The following REPS1 variants were observed in gnomAD, a reference collection of about 807,000 sequenced individuals.
REPS1 encodes ralBP1-associated Eps domain-containing protein 1.
Under a neutral mutation model 100.9 loss-of-function variants are expected in REPS1, and 39 were observed. The observed-to-expected ratio is 0.39, with a 90% CI of 0.30 to 0.50. REPS1 has a LOEUF of 0.50. Among genes scored for constraint, REPS1 ranks in the 20% least tolerant of loss-of-function variants. The pLI is 0.86. For missense variants in REPS1, 821 were observed against 968.5 expected, an observed-to-expected ratio of 0.85 and a Z score of 2.02; for synonymous variants, 324 against 340.3, an observed-to-expected ratio of 0.95 and a Z score of 0.53.
chr6:138,912,689 A>G, intron 16 of REPS1, 76 bp downstream of exon 16: 2 of 1,384,806 alleles, frequency 1.4e-6, no homozygotes, highest in South Asian at 1.2e-5. Context: ...GTCCCCTCTA[A>G]TATCTGCTCT....
At position 138,947,780 on chromosome 6, in the gene REPS1, C is replaced by G; in HGVS notation, c.277+10G>C. ...ATTTTCTTTCGGTTACTAGTGTACT[C>G]TATATTTACCTGTATTTATACTTTC... On this transcript the variant is annotated intron_variant, in intron 2 of 19. Coordinates refer to ENST00000450536, the MANE Select transcript of REPS1 (RefSeq NM_001286611.2). 1.9e-6 allele frequency: 3 copies of G among 1,575,310 alleles called. No individual in the cohort carries two copies. Among genetic ancestry groups the G allele is most frequent in the Non-Finnish European group, 2.6e-6 (3 of 1,165,710 alleles).
Position 138,980,397 on chromosome 6 carries a change from C to T in REPS1, c.153+7133G>A, listed in dbSNP as rs182374126. Among the ~76,000 whole-genome samples the T allele has an allele frequency of 1.3e-3, 200 of 152,286 alleles. 1 individual carries two copies. The highest frequency in any genetic ancestry group is 3.4e-3 in the Middle Eastern group (1 of 294). ...GTATATTTCCACTAAAATCCAAATT[C>T]CTTATCACTGAGTACAAGGGCCTGC... On this transcript the variant is annotated intron_variant, in intron 1 of 19. Transcript: ENST00000450536.
chr6:138,982,898 C>A (rs969462165), intron 1 of REPS1, among the ~76,000 whole-genome samples: 5 of 152,220 alleles, frequency 3.3e-5, no homozygotes, highest in African/African-American at 9.6e-5. Flanking sequence ...GAATCTCCCT[C>A]TTTCTCTGAA....
intron 1 of REPS1, among the ~76,000 whole-genome samples, chr6:138,984,078 C>CTTTTTTTTTTTTT (rs748774209): frequency 2.2e-5 from 3 of 134,448 alleles, no homozygotes; most frequent in African/African-American, 2.8e-5. Flanking sequence ...CTCTCTCTCT[C>CTTTTTTTTTTTTT]TTTTTTTTTT....
At chr6:138,953,017 A>G (rs2128485067) in intron 1 of REPS1, among the ~76,000 whole-genome samples, 1 of 151,916 alleles carries the variant, frequency 6.6e-6, no homozygotes, top group Non-Finnish European at 1.5e-5. Context: ...TTGTATTTTT[A>G]GTAGAAATGG....
chr6:138,968,354 T>G (rs1244096692), intron 1 of REPS1, among the ~76,000 whole-genome samples: 1 of 152,196 alleles, frequency 6.6e-6, no homozygotes, highest in Admixed American at 6.5e-5. Context: ...TTTAATACAA[T>G]CCTCAAAAAT....
At chr6:138,938,059 T>C (rs1781976574) in intron 8 of REPS1, among the ~76,000 whole-genome samples, 1 of 152,170 alleles carries the variant, frequency 6.6e-6, no homozygotes, top group South Asian at 2.1e-4. Context: ...ATTCTTTAAT[T>C]CAGCTTCAGA....
intron 1 of REPS1, among the ~76,000 whole-genome samples, chr6:138,987,114 G>A (rs749598728): frequency 1.7e-4 from 26 of 151,728 alleles, no homozygotes; most frequent in Non-Finnish European, 2.9e-5. Context: ...ACGTCTTCTC[G>A]GTTAATCCAA....
At chr6:138,931,868 G>C (rs917892722) in intron 8 of REPS1, among the ~76,000 whole-genome samples, 2 of 152,126 alleles carry the variant, frequency 1.3e-5, no homozygotes, top group East Asian at 1.9e-4. Context: ...TCTACCAGGA[G>C]AATAATAAAG....
chr6:138,955,008 T>C (rs1370618107), intron 1 of REPS1, among the ~76,000 whole-genome samples: 1 of 152,218 alleles, frequency 6.6e-6, no homozygotes, highest in East Asian at 1.9e-4. Context: ...TGGATGCACC[T>C]ATCACAAATT....
intron 1 of REPS1, among the ~76,000 whole-genome samples, chr6:138,986,259 G>A (rs186223038): frequency 6.6e-6 from 1 of 152,284 alleles, no homozygotes; most frequent in East Asian, 1.9e-4. Flanking sequence ...GGGACTCCTC[G>A]TTGCCCTTCA....
chr6:138,946,702 T>C (rs1314169983), intron 2 of REPS1, among the ~76,000 whole-genome samples: 4 of 152,202 alleles, frequency 2.6e-5, no homozygotes, highest in Non-Finnish European at 4.4e-5. Flanking sequence ...TTTACAGAAA[T>C]TTTTCTGTAC....
At chr6:138,912,582 T>C in intron 16 of REPS1, 183 bp downstream of exon 16, 2 of 615,396 alleles carry the variant, frequency 3.2e-6, no homozygotes, top group African/African-American at 1.9e-5. Context: ...CCCACCAGAC[T>C]CTGATACTTA....
chr6:138,987,967 G>A lies in REPS1; in HGVS notation c.-285C>T. On this transcript the variant is annotated 5_prime_UTR_variant, in exon 1 of 20. Transcript: ENST00000450536. ...CTCCGGCTCCGGCTCCGGCCGCGGG[G>A]AGGGTGCAGAGAAAGAGGCGGGGGC... 2.6e-6 allele frequency: 1 copy of A among 386,612 alleles called. No individual in the cohort carries two copies. 23.9% of individuals were successfully genotyped at this position (386,612 alleles called of 1,614,324 possible).
chr6:138,940,732 G>A (rs1430076249), intron 8 of REPS1, among the ~76,000 whole-genome samples: 2 of 148,136 alleles, frequency 1.4e-5, no homozygotes, highest in African/African-American at 2.5e-5. Context: ...GTGACAGAAC[G>A]AGACTCCAAC....
intron 1 of REPS1, among the ~76,000 whole-genome samples, chr6:138,961,794 G>A (rs552142924): frequency 3.7e-4 from 57 of 152,296 alleles, no homozygotes; most frequent in Admixed American, 2.0e-3. Flanking sequence ...TCTTGGTTTT[G>A]ATCCCATCAC....
At chr6:138,909,323 C>T (rs1017498655) in intron 17 of REPS1, among the ~76,000 whole-genome samples, 2 of 152,130 alleles carry the variant, frequency 1.3e-5, no homozygotes, top group African/African-American at 2.4e-5. Context: ...GACAGTTTGT[C>T]GGTGATTATG....
At chr6:138,911,021 AAAG>A (rs1779969212) in intron 17 of REPS1, 4 of 288,996 alleles carry the variant, frequency 1.4e-5, no homozygotes, top group South Asian at 1.8e-4. Context: ...TTTCACCTAT[AAAG>A]AAGTTCTACC....
chr6:138,947,955 A>T, intron 1 of REPS1, 42 bp from the exon 2 acceptor site: 1 of 1,518,532 alleles, frequency 6.6e-7, no homozygotes, highest in Non-Finnish European at 8.8e-7. Context: ...TCACAACAAA[A>T]ATCTCCCTTC....
Sources: allele counts gnomAD v4.1 joint callset (sites outside exome capture counted in the v4.1 genomes callset), GRCh38; gene constraint gnomAD v4.1.1; transcripts MANE v1.5; gene names NCBI Gene and HGNC (gene_info 2026-07-23, HGNC 2026-07-21).